VPS13A: variants seen among roughly 807,000 people sequenced by gnomAD.
The protein encoded by VPS13A is intermembrane lipid transfer protein VPS13A.
VPS13A carries 264 observed loss-of-function variants against 390.9 expected under a neutral mutation model. The ratio of observed to expected loss-of-function variants is 0.68; its 90% CI spans 0.61 to 0.75. The LOEUF (loss-of-function observed/expected upper bound fraction) is 0.75. Ranked by LOEUF, VPS13A falls within the 30% of genes least tolerant of loss-of-function variation. The probability of loss-of-function intolerance (pLI) is 0.00; values close to 1 mark genes in which losing one functional copy is unlikely to be tolerated. For missense variants in VPS13A, 3,409 were observed against 3,733.9 expected, an observed-to-expected ratio of 0.91 and a Z score of 2.27; for synonymous variants, 1,231 against 1,227.1, an observed-to-expected ratio of 1.00 and a Z score of -0.07.
chr9:77,271,103 A>G (rs1295629062), intron 23 of VPS13A, among the ~76,000 whole-genome samples: 1 of 152,222 alleles, frequency 6.6e-6, no homozygotes, highest in African/African-American at 2.4e-5. Context: ...CTTGGGAAAA[A>G]TAGTTGCAAA....
Position 77,323,193 on chromosome 9 carries a change from G to T in VPS13A, c.5957G>T (p.Gly1986Val). 6.2e-7 allele frequency: 1 copy of T among 1,613,498 alleles called. No homozygotes were observed. Among genetic ancestry groups the T allele is most frequent in the Non-Finnish European group, 8.5e-7 (1 of 1,179,568 alleles). The change falls in exon 45 of 72, where the codon GGA becomes GTA. Residue 1986 changes from glycine (G) to valine (V), a missense_variant. Gly to Val is a moderately radical substitution (Grantham distance 109, BLOSUM62 -3). Transcript: ENST00000360280. ...SIVCQIDTVE[G>V]SKKVTIRSPV... ...GTTTGTCAAATTGATACAGTAGAAG[G>T]AAGTAAGAAGGTCACAATTCGCTCC...
chr9:77,220,348 ACCTG>A lies in VPS13A; in HGVS notation c.955_958del (p.Pro319MetfsTer22). 6.2e-7 allele frequency: 1 copy of A among 1,612,196 alleles called. No homozygotes were observed. Among genetic ancestry groups the A allele is most frequent in the Non-Finnish European group, 8.5e-7 (1 of 1,179,166 alleles). ...AAAATCTGCCATATAGGAAGTTCAA[ACCTG>A]ATGTGCCTCTTCACCACCATGCCAG... On this transcript the variant is annotated frameshift_variant, in exon 12 of 72. Coordinates refer to ENST00000360280, the MANE Select transcript of VPS13A (RefSeq NM_033305.3). LOFTEE classifies it high-confidence loss of function.
intron 26 of VPS13A, among the ~76,000 whole-genome samples, chr9:77,277,518 A>G (rs1211413377): frequency 6.6e-6 from 1 of 152,144 alleles, no homozygotes; most frequent in Non-Finnish European, 1.5e-5. Context: ...ACATGCATCT[A>G]CCATTACCTT....
chr9:77,187,795 A>C (rs1824431964), intron 1 of VPS13A, among the ~76,000 whole-genome samples: 1 of 152,020 alleles, frequency 6.6e-6, no homozygotes, highest in South Asian at 2.1e-4. Context: ...TTTGATGTAT[A>C]AATTATTTTG....
chr9:77,371,555 A>C (rs1832746817), intron 67 of VPS13A, among the ~76,000 whole-genome samples: 1 of 152,124 alleles, frequency 6.6e-6, no homozygotes, highest in Non-Finnish European at 1.5e-5. Context: ...GCTGGGGATA[A>C]AGTTTCCAAC....
At chr9:77,391,593 T>G (rs751269379) in intron 68 of VPS13A, among the ~76,000 whole-genome samples, 3 of 152,158 alleles carry the variant, frequency 2.0e-5, no homozygotes, top group Non-Finnish European at 4.4e-5. Context: ...CAGTGAAAAT[T>G]TATCACTGTA....
At chr9:77,390,171 G>C in intron 68 of VPS13A, 1 of 930,338 alleles carries the variant, frequency 1.1e-6, no homozygotes, top group Non-Finnish European at 1.3e-6. Context: ...GGAGACAAAG[G>C]CTATTGGACT....
intron 68 of VPS13A, among the ~76,000 whole-genome samples, chr9:77,387,640 A>T (rs995832544): frequency 6.6e-6 from 1 of 152,210 alleles, no homozygotes; most frequent in Non-Finnish European, 1.5e-5. Context: ...TAGTACTCAC[A>T]TGGGATATAA....
In VPS13A at chr9:77,295,807, A is replaced by G. The variant is rs1827958795; in HGVS notation, c.3773A>G (p.Asp1258Gly). Residue 1258 changes from aspartate (D) to glycine (G), a missense_variant, in exon 33 of 72, where the codon GAT becomes GGT. By Grantham distance (94) the Asp-to-Gly change is moderately conservative. Transcript: ENST00000360280. ...ESQSSPPPVI[D>G]LITIKLSEMR... ...CAGAGCTCTCCCCCACCTGTTATTGATTTGATAACAATAAAGCTGAGTGAA... is the reference window on the plus strand; with the variant it reads ...CAGAGCTCTCCCCCACCTGTTATTGGTTTGATAACAATAAAGCTGAGTGAA... 6.2e-6 allele frequency: 10 copies of G among 1,614,014 alleles called. No homozygotes were observed. Among genetic ancestry groups the G allele is most frequent in the Non-Finnish European group, 8.5e-6 (10 of 1,179,936 alleles).
chr9:77,302,853 T>C, intron 33 of VPS13A, 62 bp from the exon 34 acceptor site: 1 of 1,515,516 alleles, frequency 6.6e-7, no homozygotes, highest in African/African-American at 1.4e-5. Flanking sequence ...TTTAAGTTAA[T>C]CTTTTTTTAA....
chr9:77,212,565 G>A (rs976207220), intron 7 of VPS13A, among the ~76,000 whole-genome samples: 8 of 151,940 alleles, frequency 5.3e-5, no homozygotes, highest in Non-Finnish European at 8.8e-5. Flanking sequence ...CAAACTCCTG[G>A]CCTCAAGCAA....
chr9:77,285,877 C>T (rs1181389082), intron 31 of VPS13A, among the ~76,000 whole-genome samples: 1 of 152,198 alleles, frequency 6.6e-6, no homozygotes, highest in African/African-American at 2.4e-5. Context: ...AGTTTCTTCT[C>T]TGCCCTTGTG....
intron 32 of VPS13A, among the ~76,000 whole-genome samples, chr9:77,295,012 C>G (rs1012754820): frequency 1.9e-4 from 29 of 151,908 alleles, no homozygotes; most frequent in African/African-American, 6.0e-4. Flanking sequence ...GTCACTTGAG[C>G]CCTCTTGTAC....
intron 69 of VPS13A, among the ~76,000 whole-genome samples, chr9:77,405,496 T>C (rs1834561292): frequency 6.6e-6 from 1 of 152,238 alleles, no homozygotes; most frequent in African/African-American, 2.4e-5. Flanking sequence ...TGTTGTGTTA[T>C]AAATTTCCCA....
At chr9:77,272,049 T>TA (rs113901504) in intron 23 of VPS13A, among the ~76,000 whole-genome samples, 21 of 151,808 alleles carry the variant, frequency 1.4e-4, no homozygotes, top group African/African-American at 3.9e-4. Context: ...ATAATGTGCT[T>TA]AAAAAAAATG....
intron 44 of VPS13A, 78 bp downstream of exon 44, chr9:77,321,824 G>C: frequency 6.5e-7 from 1 of 1,543,028 alleles, no homozygotes; most frequent in Non-Finnish European, 8.9e-7. Context: ...CTCTTTTGTA[G>C]AATCTTAGCA....
chr9:77,368,292 T>A (rs1832549282), intron 62 of VPS13A, among the ~76,000 whole-genome samples, 156 bp downstream of exon 62: 1 of 152,238 alleles, frequency 6.6e-6, no homozygotes, highest in Non-Finnish European at 1.5e-5. Context: ...AAAAAGAAAT[T>A]AAGCTCAATC....
At chr9:77,341,342 GAAAA>G (rs565051680) in intron 50 of VPS13A, among the ~76,000 whole-genome samples, 9 of 151,414 alleles carry the variant, frequency 5.9e-5, no homozygotes, top group African/African-American at 1.9e-4. Flanking sequence ...TTGCAAAAAA[GAAAA>G]AAAAGAAAGA....
chr9:77,203,912 G>C (rs1345579814), intron 3 of VPS13A, among the ~76,000 whole-genome samples: 4 of 152,062 alleles, frequency 2.6e-5, no homozygotes, highest in African/African-American at 7.2e-5. Flanking sequence ...TTTAGAGGCC[G>C]GGCAGGGTAG....
Sources: allele counts gnomAD v4.1 joint callset (sites outside exome capture counted in the v4.1 genomes callset), GRCh38; gene constraint gnomAD v4.1.1; transcripts MANE v1.5; gene names NCBI Gene and HGNC (gene_info 2026-07-23, HGNC 2026-07-21).